TBC1D14: variants seen among roughly 807,000 people sequenced by gnomAD.
TBC1D14 encodes the protein TBC1 domain family member 14, also known as TBC1 domain family, member 14.
Under a neutral mutation model 79.0 loss-of-function variants are expected in TBC1D14, and 26 were observed. The ratio of observed to expected loss-of-function variants is 0.33; its 90% CI spans 0.24 to 0.46. The LOEUF (loss-of-function observed/expected upper bound fraction) is 0.46. Ranked by LOEUF, TBC1D14 falls within the 20% of genes least tolerant of loss-of-function variation. The probability of loss-of-function intolerance (pLI) is 1.00; values close to 1 mark genes in which losing one functional copy is unlikely to be tolerated. For synonymous variants in TBC1D14, 394 were observed against 349.9 expected, an observed-to-expected ratio of 1.13 and a Z score of -1.40; for missense variants, 769 against 887.6, an observed-to-expected ratio of 0.87 and a Z score of 1.70.
At chr4:6,919,227 A>G (rs373652937) in intron 1 of TBC1D14, among the ~76,000 whole-genome samples, 5 of 151,446 alleles carry the variant, frequency 3.3e-5, no homozygotes, top group African/African-American at 1.2e-4. Context: ...GCTCACTGCA[A>G]CCTCCACCTC....
intron 3 of TBC1D14, among the ~76,000 whole-genome samples, chr4:6,990,255 C>T (rs2109136845): frequency 6.6e-6 from 1 of 152,270 alleles, no homozygotes. Context: ...TCCAGACCAG[C>T]CTGGCCAACA....
At position 6,924,966 on chromosome 4, in the gene TBC1D14, A is replaced by T. The variant is rs1190577849; in HGVS notation, c.722+855A>T. On this transcript the variant is annotated intron_variant, in intron 2 of 13. Coordinates refer to ENST00000409757, the MANE Select transcript of TBC1D14 (RefSeq NM_020773.3). ...TCCCGAACGGTGGCGTGCTGGGAGG[A>T]AGGGCACAGGGGCTGTGGAGAGTAC... Among the ~76,000 whole-genome samples, 3 of 151,958 alleles carry T rather than the reference A, an allele frequency of 2.0e-5. No homozygotes were observed. The East Asian group carries it at 5.8e-4, about 29-fold the overall frequency.
intron 1 of TBC1D14, among the ~76,000 whole-genome samples, chr4:6,919,414 G>T (rs537308733): frequency 6.6e-6 from 1 of 152,166 alleles, no homozygotes; most frequent in East Asian, 1.9e-4. Context: ...CCAAAGTGTT[G>T]GGATTACTGG....
chr4:7,013,309 C>G (rs988306348), intron 11 of TBC1D14, among the ~76,000 whole-genome samples: 1 of 152,222 alleles, frequency 6.6e-6, no homozygotes, highest in Non-Finnish European at 1.5e-5. Flanking sequence ...TTCACATTGA[C>G]CAGTGTTGCC....
chr4:6,934,827 C>G (rs1360036348), intron 2 of TBC1D14, among the ~76,000 whole-genome samples: 1 of 152,104 alleles, frequency 6.6e-6, no homozygotes, highest in Admixed American at 6.5e-5. Context: ...CCTGTAATCC[C>G]AGCACTTTGG....
intron 7 of TBC1D14, among the ~76,000 whole-genome samples, chr4:7,001,971 G>A (rs1210104716): frequency 2.0e-5 from 3 of 152,178 alleles, no homozygotes; most frequent in Admixed American, 6.5e-5. Context: ...TCTTTCTTGG[G>A]CCTAGGACCT....
At chr4:6,910,933 G>T (rs150886081) in intron 1 of TBC1D14, among the ~76,000 whole-genome samples, 180 of 152,298 alleles carry the variant, frequency 1.2e-3, no homozygotes, top group African/African-American at 4.2e-3. Context: ...GAGGGTAGTC[G>T]TGGTGGTGTC....
In TBC1D14 at chr4:6,945,744, C is replaced by A. The variant is rs1385981895; in HGVS notation, c.723-21560C>A. 2.8e-3 allele frequency among the ~76,000 whole-genome samples: 171 copies of A among 61,482 alleles called. 1 individual carries two copies. Among genetic ancestry groups the A allele is most frequent in the Non-Finnish European group, 3.3e-3 (118 of 36,000 alleles). 40.3% of individuals were successfully genotyped at this position (61,482 alleles called of 152,430 possible). ...AGCCTGGGCAACTAGAGCAAAACTG[C>A]GTCTCAAAAAAAAAAAAAAAAAAAA... On this transcript the variant is annotated intron_variant, in intron 2 of 13. Transcript: ENST00000409757.
At chr4:7,013,172 G>A (rs773451307) in intron 11 of TBC1D14, among the ~76,000 whole-genome samples, 30 of 152,186 alleles carry the variant, frequency 2.0e-4, no homozygotes, top group Admixed American at 5.2e-4. Flanking sequence ...TGGCAGCCCC[G>A]TTGAACTTAG....
intron 2 of TBC1D14, among the ~76,000 whole-genome samples, chr4:6,934,470 C>T (rs1712109312): frequency 6.6e-6 from 1 of 151,942 alleles, no homozygotes. Context: ...ACCAGCCTGG[C>T]CAACATGGTG....
chr4:7,026,336 T>C (rs559211214), intron 13 of TBC1D14, among the ~76,000 whole-genome samples: 115 of 152,254 alleles, frequency 7.6e-4, no homozygotes, highest in African/African-American at 2.7e-3. Context: ...GTGTCACCTG[T>C]TGGTGTTAGC....
chr4:6,981,206 G>T (rs1717349118), intron 3 of TBC1D14, among the ~76,000 whole-genome samples: 1 of 151,892 alleles, frequency 6.6e-6, no homozygotes, highest in Admixed American at 6.6e-5. Context: ...TGTATTTTTA[G>T]TAGAGACAGG....
intron 2 of TBC1D14, among the ~76,000 whole-genome samples, chr4:6,937,850 T>TCGTCAC (rs886804183): frequency 1.2e-4 from 18 of 151,114 alleles, no homozygotes; most frequent in African/African-American, 3.7e-4. Flanking sequence ...TAGTGGGGGG[T>TCGTCAC]CGTCACCGTG....
At chr4:7,021,140 C>T (rs776804697) in intron 12 of TBC1D14, among the ~76,000 whole-genome samples, 5 of 152,114 alleles carry the variant, frequency 3.3e-5, no homozygotes, top group East Asian at 1.9e-4. Flanking sequence ...GACAAGCAGG[C>T]GGAACAGACC....
chr4:7,005,401 G>T (rs942219871), intron 8 of TBC1D14, among the ~76,000 whole-genome samples: 1 of 152,200 alleles, frequency 6.6e-6, no homozygotes. Flanking sequence ...CAGGTGTGGT[G>T]GTGGGTGCCT....
At chr4:6,945,671 C>A (rs1297288239) in intron 2 of TBC1D14, among the ~76,000 whole-genome samples, 2 of 139,492 alleles carry the variant, frequency 1.4e-5, no homozygotes, top group East Asian at 2.2e-4. Context: ...ATCGCTTGAA[C>A]CCGGGAGGCG....
chr4:6,996,345 C>A lies in TBC1D14; in HGVS notation c.983C>A (p.Ala328Asp). The change falls in exon 5 of 14, where the codon GCT (alanine) becomes GAT (aspartate). Residue 328 changes from alanine to aspartate, a missense_variant. Physicochemically the swap from Ala to Asp is moderately radical, Grantham distance 126. This residue lies in a region of TBC1D14 where 367 missense variants were observed against 494.4 expected (regional missense o/e 0.74). Transcript: ENST00000409757. ...DRPANLPAKP[A>D]EEAQKHRQQY... ...TCAAGAAATCTCCCAGCAAAACCAG[C>A]TGAAGAAGCTCAGAAGCACAGACAG... 6.2e-7 allele frequency: 1 copy of A among 1,613,742 alleles called. No individual in the cohort carries two copies. The highest frequency in any genetic ancestry group is 8.5e-7 in the Non-Finnish European group (1 of 1,179,766).
chr4:6,960,397 C>T (rs1397108152), intron 2 of TBC1D14, among the ~76,000 whole-genome samples: 3 of 151,988 alleles, frequency 2.0e-5, no homozygotes, highest in East Asian at 1.9e-4. Flanking sequence ...TGGCCTACCC[C>T]GTGCCTTTTG....
At chr4:7,014,934 C>T (rs1180102792) in intron 12 of TBC1D14, among the ~76,000 whole-genome samples, 1 of 152,196 alleles carries the variant, frequency 6.6e-6, no homozygotes, top group Non-Finnish European at 1.5e-5. Flanking sequence ...ACACTGTCCA[C>T]GTGAGATGAG....
Sources: gnomAD v4.1 joint callset for allele counts (sites outside exome capture counted in the v4.1 genomes callset) on GRCh38, gnomAD v4.1.1 for gene constraint, gnomAD v4.1.1 regional missense constraint, MANE v1.5 for transcripts, NCBI Gene and HGNC (gene_info 2026-07-23, HGNC 2026-07-21) for gene names.